Variants in PRICKLE2 observed in about 807,000 individuals in gnomAD.
PRICKLE2 encodes the protein prickle planar cell polarity protein 2.
A neutral mutation model predicts 81.4 loss-of-function variants in PRICKLE2; 21 were observed. The observed-to-expected ratio is 0.26, with a 90% CI of 0.18 to 0.37. The LOEUF is 0.37. Ranked by LOEUF, PRICKLE2 falls within the 10% of genes least tolerant of loss-of-function variation. The probability of loss-of-function intolerance (pLI) is 1.00; values close to 1 mark genes in which losing one functional copy is unlikely to be tolerated. For synonymous variants in PRICKLE2, 456 were observed against 421.5 expected (o/e 1.08, Z -1.00); for missense variants, 940 against 1,109.0 (o/e 0.85, Z 2.16).
At chr3:64,258,845 A>AGGAAG (rs1553663503) in intron 2 of PRICKLE2, among the ~76,000 whole-genome samples, 1 of 34,000 alleles carries the variant, frequency 2.9e-5, no homozygotes, top group African/African-American at 1.3e-4. Context: ...AAAAAAAAAA[A>AGGAAG]AAAGAAAGAA....
chr3:64,132,967 G>A (rs533206611), intron 7 of PRICKLE2, among the ~76,000 whole-genome samples: 2 of 152,308 alleles, frequency 1.3e-5, no homozygotes, highest in South Asian at 4.1e-4. Context: ...AAGACAACAG[G>A]GGTAGGAGTG....
chr3:64,164,249 T>A (rs2077787351), intron 2 of PRICKLE2, among the ~76,000 whole-genome samples: 1 of 152,132 alleles, frequency 6.6e-6, no homozygotes, highest in Admixed American at 6.5e-5. Flanking sequence ...TGGTGGTGCA[T>A]GCCTGTAATC....
chr3:64,216,240 G>A lies in PRICKLE2; in HGVS notation c.-41+8670C>T, dbSNP rs150889242. Among the ~76,000 whole-genome samples the A allele has an allele frequency of 3.8e-3, 582 of 152,244 alleles. 1 individual carries two copies. Among genetic ancestry groups the A allele is most frequent in the African/African-American group, 0.014 (561 of 41,536 alleles). On this transcript the variant is annotated intron_variant, in intron 1 of 7. Coordinates refer to ENST00000638394, the MANE Select transcript of PRICKLE2 (RefSeq NM_198859.4). ...CCAACTTAGCAGTTTTAAACCTTTC[G>A]GGTGACTTGATGCCCTTAAAATCTG...
chr3:64,217,205 C>CCCTA (rs2078885707), intron 1 of PRICKLE2, among the ~76,000 whole-genome samples: 1 of 152,014 alleles, frequency 6.6e-6, no homozygotes, highest in South Asian at 2.1e-4. Context: ...TGGAGAAAGA[C>CCCTA]CCTACATCAC....
At chr3:64,199,179 G>A (rs1182868336) in intron 1 of PRICKLE2, 2 of 610,286 alleles carry the variant, frequency 3.3e-6, no homozygotes, top group African/African-American at 1.8e-5. Flanking sequence ...AAGGTCAGAG[G>A]CCACCAGGTA....
chr3:64,138,369 G>C (rs1408438645), intron 7 of PRICKLE2, among the ~76,000 whole-genome samples: 1 of 152,214 alleles, frequency 6.6e-6, no homozygotes, highest in Non-Finnish European at 1.5e-5. Context: ...TCAGGCAAAT[G>C]AGAAGACTCA....
intron 1 of PRICKLE2, among the ~76,000 whole-genome samples, chr3:64,204,228 G>A (rs2078640871): frequency 6.6e-6 from 1 of 152,086 alleles, no homozygotes; most frequent in Non-Finnish European, 1.5e-5. Context: ...CCAGAAAGAA[G>A]CAGGATATGG....
chr3:64,241,045 A>G (rs2079258003), intron 2 of PRICKLE2, among the ~76,000 whole-genome samples: 1 of 152,214 alleles, frequency 6.6e-6, no homozygotes, highest in African/African-American at 2.4e-5. Context: ...CAAGTGGTAT[A>G]TATGTTAGGT....
intron 7 of PRICKLE2, among the ~76,000 whole-genome samples, chr3:64,117,562 C>A (rs1019680350): frequency 1.3e-5 from 2 of 152,092 alleles, no homozygotes; most frequent in Admixed American, 6.5e-5. Context: ...CAACAATAGT[C>A]AAGCCAAAAG....
chr3:64,131,684 A>G (rs559841322), intron 7 of PRICKLE2, among the ~76,000 whole-genome samples: 4 of 152,376 alleles, frequency 2.6e-5, no homozygotes, highest in South Asian at 2.1e-4. Context: ...AAAATAAGCT[A>G]TAGCAATAGA....
At chr3:64,121,829 G>A (rs2077033215) in intron 7 of PRICKLE2, among the ~76,000 whole-genome samples, 1 of 152,128 alleles carries the variant, frequency 6.6e-6, no homozygotes, top group Admixed American at 6.5e-5. Context: ...GTGCTTTCCA[G>A]GGTAGCAGAA....
chr3:64,149,505 T>C (rs2077510092), intron 6 of PRICKLE2, among the ~76,000 whole-genome samples: 1 of 152,212 alleles, frequency 6.6e-6, no homozygotes, highest in African/African-American at 2.4e-5. Context: ...GCTGGGAATA[T>C]AGCCTCAAGC....
At chr3:64,229,573 G>A (rs1363649704), upstream of PRICKLE2, among the ~76,000 whole-genome samples, 1 of 152,154 alleles carries the variant, frequency 6.6e-6, no homozygotes, top group African/African-American at 2.4e-5. Flanking sequence ...GGTCACTCAA[G>A]GAAATGGCAG....
chr3:64,124,376 G>A (rs2077075379), intron 7 of PRICKLE2, among the ~76,000 whole-genome samples: 1 of 152,222 alleles, frequency 6.6e-6, no homozygotes, highest in Admixed American at 6.5e-5. Flanking sequence ...GCTGCAACAA[G>A]TTGTCCAGAA....
chr3:64,267,692 C>T (rs1008391623), intron 2 of PRICKLE2, among the ~76,000 whole-genome samples: 1 of 152,164 alleles, frequency 6.6e-6, no homozygotes, highest in Non-Finnish European at 1.5e-5. Context: ...AGTGGCTGCG[C>T]GAAAGGTGGC....
chr3:64,161,082 C>T (rs534610647), intron 3 of PRICKLE2, among the ~76,000 whole-genome samples: 1 of 151,990 alleles, frequency 6.6e-6, no homozygotes, highest in South Asian at 2.1e-4. Context: ...ACAGAGATCC[C>T]TGACGCTCCT....
intron 1 of PRICKLE2, among the ~76,000 whole-genome samples, chr3:64,214,208 G>GC (rs34646372): frequency 6.6e-6 from 1 of 152,098 alleles, no homozygotes; most frequent in East Asian, 1.9e-4. Flanking sequence ...CTTGACAGGG[G>GC]CCCTTTAATA....
intron 2 of PRICKLE2, among the ~76,000 whole-genome samples, chr3:64,238,480 C>T (rs537252465): frequency 9.3e-5 from 9 of 97,052 alleles, no homozygotes; most frequent in East Asian, 3.1e-4. Context: ...AACGAGACTC[C>T]GTCTCAAAAA....
intron 7 of PRICKLE2, among the ~76,000 whole-genome samples, chr3:64,144,366 C>G (rs934570255): frequency 6.6e-5 from 10 of 152,214 alleles, no homozygotes; most frequent in African/African-American, 2.4e-4. Flanking sequence ...ATTCCTCCCT[C>G]ACAGTGTTAT....
Sources: allele counts gnomAD v4.1 joint callset (sites outside exome capture counted in the v4.1 genomes callset), GRCh38; gene constraint gnomAD v4.1.1; transcripts MANE v1.5; gene names NCBI Gene and HGNC (gene_info 2026-07-23, HGNC 2026-07-21).